CAMK1D: variants seen among roughly 807,000 people sequenced by gnomAD.
CAMK1D encodes the protein calcium/calmodulin dependent protein kinase ID.
CAMK1D carries 9 observed loss-of-function variants against 47.7 expected under a neutral mutation model. The ratio of observed to expected loss-of-function variants is 0.19; its 90% CI spans 0.11 to 0.33. CAMK1D has a LOEUF of 0.33. Among genes scored for constraint, CAMK1D ranks in the 10% least tolerant of loss-of-function variants. The pLI is 1.00. For synonymous variants in CAMK1D, 184 were observed against 184.9 expected (o/e 0.99, Z 0.04); for missense variants, 291 against 488.7 (o/e 0.60, Z 3.81).
intron 8 of CAMK1D, among the ~76,000 whole-genome samples, chr10:12,817,523 A>T (rs1469319331): frequency 6.6e-6 from 1 of 152,148 alleles, no homozygotes; most frequent in Non-Finnish European, 1.5e-5. Context: ...CTGCGATGCT[A>T]GGTTTACACT....
intron 1 of CAMK1D, among the ~76,000 whole-genome samples, chr10:12,495,780 C>G (rs563825837): frequency 6.6e-6 from 1 of 152,300 alleles, no homozygotes; most frequent in African/African-American, 2.4e-5. Flanking sequence ...AATACATATT[C>G]ACCTACTATT....
At chr10:12,517,563 T>G (rs564920494) in intron 1 of CAMK1D, among the ~76,000 whole-genome samples, 1 of 152,348 alleles carries the variant, frequency 6.6e-6, no homozygotes, top group Non-Finnish European at 1.5e-5. Context: ...TCTAGTTTGC[T>G]GAAGTTGTTT....
At chr10:12,501,256 A>G (rs186495756) in intron 1 of CAMK1D, among the ~76,000 whole-genome samples, 1 of 152,328 alleles carries the variant, frequency 6.6e-6, no homozygotes, top group African/African-American at 2.4e-5. Context: ...GAATTTACTT[A>G]GTCTTCACAT....
rs201620282 is a variant in CAMK1D, at chr10:12,518,480, A to T, written c.93-34745A>T. ...ATATGTCTTTATTCATTCTTTTTTT[A>T]TTTTTTATTTTTTATTTTTTTTTTT... On this transcript the variant is annotated intron_variant, in intron 1 of 10. Coordinates refer to ENST00000619168, the MANE Select transcript of CAMK1D (RefSeq NM_153498.4). 3.5e-3 allele frequency among the ~76,000 whole-genome samples: 109 copies of T among 31,054 alleles called. 30 individuals carry two copies. The East Asian group carries it at 0.057, about 16-fold the overall frequency. The allele number at this position is 31,054 out of a possible 152,430, so 20.4% of individuals were successfully genotyped here. A position where few individuals can be genotyped will look rare whatever the true frequency, so the allele number is the denominator to read the frequency against.
chr10:12,688,905 A>G (rs1404002830), intron 3 of CAMK1D, among the ~76,000 whole-genome samples: 2 of 152,206 alleles, frequency 1.3e-5, no homozygotes, highest in African/African-American at 4.8e-5. Context: ...CTGATCTTGA[A>G]TTCCTGACCT....
chr10:12,550,425 A>T (rs1271214144), intron 1 of CAMK1D, among the ~76,000 whole-genome samples: 1 of 152,280 alleles, frequency 6.6e-6, no homozygotes, highest in East Asian at 1.9e-4. Context: ...GTCTTGACCC[A>T]CCTAAGAACT....
In CAMK1D at chr10:12,828,958, C is replaced by A; in HGVS notation, c.*71C>A. ...CCCCAGGGTCGCCAGAGCCGCGAGC[C>A]ACTCCAGCGAGACCCCACCTTGCAT... is the stretch of plus-strand genomic sequence containing the variant. On this transcript the variant is annotated 3_prime_UTR_variant, in exon 11 of 11. Coordinates refer to ENST00000619168, the MANE Select transcript of CAMK1D (RefSeq NM_153498.4). 3 of 1,175,748 alleles carry A rather than the reference C, an allele frequency of 2.6e-6. No homozygotes were observed. Among genetic ancestry groups the A allele is most frequent in the South Asian group, 1.4e-5 (1 of 69,184 alleles). The allele number at this position is 1,175,748 out of a possible 1,614,324, so 72.8% of individuals were successfully genotyped here. A position where few individuals can be genotyped will look rare whatever the true frequency, so the allele number is the denominator to read the frequency against.
rs76086698 is a variant in CAMK1D, at chr10:12,655,488, A to C, written c.225-11248A>C. Among the ~76,000 whole-genome samples the C allele has an allele frequency of 6.0e-3, 910 of 152,338 alleles. 10 individuals carry two copies. The highest frequency in any genetic ancestry group is 0.021 in the African/African-American group (876 of 41,562). On this transcript the variant is annotated intron_variant, in intron 2 of 10. Transcript: ENST00000619168. Reference sequence around the variant, plus strand: ...GAAATAGGAAAGAAATACACAGTCAAATCTTAGAACCTTTTTTCATTCTGG... The same window carrying C: ...GAAATAGGAAAGAAATACACAGTCACATCTTAGAACCTTTTTTCATTCTGG...
At chr10:12,542,272 T>C (rs1214367134) in intron 1 of CAMK1D, among the ~76,000 whole-genome samples, 1 of 152,140 alleles carries the variant, frequency 6.6e-6, no homozygotes, top group Non-Finnish European at 1.5e-5. Flanking sequence ...TAATTTATGG[T>C]CGGAGGCTGG....
intron 1 of CAMK1D, among the ~76,000 whole-genome samples, chr10:12,539,518 G>A (rs1836095037): frequency 6.6e-6 from 1 of 152,206 alleles, no homozygotes; most frequent in African/African-American, 2.4e-5. Flanking sequence ...ATGTGACAAT[G>A]GAGCTATGCG....
chr10:12,627,219 C>T (rs1043756449), intron 2 of CAMK1D, among the ~76,000 whole-genome samples: 1 of 151,648 alleles, frequency 6.6e-6, no homozygotes, highest in African/African-American at 2.4e-5. Flanking sequence ...GTAGCTGGGA[C>T]TACAGGTGCC....
Position 12,490,650 on chromosome 10 carries a change from A to T in CAMK1D, c.93-62575A>T, listed in dbSNP as rs555721000. On this transcript the variant is annotated intron_variant, in intron 1 of 10. Coordinates refer to ENST00000619168, the MANE Select transcript of CAMK1D (RefSeq NM_153498.4). ...GATCACCTGAGGTCAGTTCAAGACC[A>T]GCCTGGCCAATATGGTGAAACCTGT... is the stretch of plus-strand genomic sequence containing the variant. Among the ~76,000 whole-genome samples the T allele has an allele frequency of 4.6e-5, 7 of 152,372 alleles. No individual in the cohort carries two copies. The South Asian group carries it at 1.5e-3, about 32-fold the overall frequency.
intron 3 of CAMK1D, among the ~76,000 whole-genome samples, chr10:12,715,677 C>G: frequency 6.7e-6 from 1 of 148,328 alleles, no homozygotes; most frequent in Non-Finnish European, 1.5e-5. Context: ...TAACCACAAT[C>G]AGATTATACT....
At chr10:12,457,113 A>G (rs942129734) in intron 1 of CAMK1D, among the ~76,000 whole-genome samples, 1 of 152,124 alleles carries the variant, frequency 6.6e-6, no homozygotes, top group Non-Finnish European at 1.5e-5. Flanking sequence ...GTTTCTGTCC[A>G]GGCATGGTGG....
chr10:12,538,942 G>T (rs1287274523), intron 1 of CAMK1D, among the ~76,000 whole-genome samples: 4 of 149,376 alleles, frequency 2.7e-5, no homozygotes, highest in African/African-American at 9.9e-5. Context: ...TGGGAGAATC[G>T]AGACAAGAGC....
At chr10:12,619,808 T>C (rs1429871948) in intron 2 of CAMK1D, among the ~76,000 whole-genome samples, 2 of 152,094 alleles carry the variant, frequency 1.3e-5, no homozygotes, top group African/African-American at 4.8e-5. Flanking sequence ...CTGGAATTCC[T>C]CATGGTGCTC....
chr10:12,567,503 T>C (rs1837161974), intron 2 of CAMK1D, among the ~76,000 whole-genome samples: 1 of 152,142 alleles, frequency 6.6e-6, no homozygotes, highest in East Asian at 1.9e-4. Flanking sequence ...CAAGAAGCCA[T>C]GGTGTCTTCC....
chr10:12,508,907 C>G (rs990415165), intron 1 of CAMK1D, among the ~76,000 whole-genome samples: 1 of 152,224 alleles, frequency 6.6e-6, no homozygotes, highest in Non-Finnish European at 1.5e-5. Context: ...CACAAGGACA[C>G]TCCTGGAAAA....
chr10:12,478,830 C>G (rs1833977951), intron 1 of CAMK1D, among the ~76,000 whole-genome samples: 1 of 152,158 alleles, frequency 6.6e-6, no homozygotes, highest in South Asian at 2.1e-4. Flanking sequence ...AGATTCCATC[C>G]TCCCCGCTGT....
Sources: allele counts gnomAD v4.1 joint callset (sites outside exome capture counted in the v4.1 genomes callset), GRCh38; gene constraint gnomAD v4.1.1; transcripts MANE v1.5; gene names NCBI Gene and HGNC (gene_info 2026-07-23, HGNC 2026-07-21).